PRUNE1: variants seen among roughly 807,000 people sequenced by gnomAD.
PRUNE1 encodes prune exopolyphosphatase 1.
PRUNE1 carries 25 observed loss-of-function variants against 42.5 expected under a neutral mutation model. The observed-to-expected ratio is 0.59, with a 90% CI of 0.43 to 0.82. PRUNE1 has a LOEUF of 0.82. Ranked by LOEUF, PRUNE1 falls within the 40% of genes least tolerant of loss-of-function variation. PRUNE1 has a pLI of 0.00. For missense variants in PRUNE1, 443 were observed against 539.3 expected, an observed-to-expected ratio of 0.82 and a Z score of 1.77; for synonymous variants, 203 against 217.1, an observed-to-expected ratio of 0.93 and a Z score of 0.57.
chr1:151,009,956 C>T (rs1558070981), intron 1 of PRUNE1, among the ~76,000 whole-genome samples: 7 of 152,196 alleles, frequency 4.6e-5, no homozygotes, highest in Admixed American at 2.0e-4. Flanking sequence ...ACCCAAATGA[C>T]TGGTCTCTTC....
At chr1:151,027,707 G>C (rs35550545) in intron 6 of PRUNE1, among the ~76,000 whole-genome samples, 3 of 150,202 alleles carry the variant, frequency 2.0e-5, no homozygotes, top group African/African-American at 7.4e-5. Context: ...TTAGCCTCTC[G>C]AGTAGCTGGG....
Position 151,018,575 on chromosome 1 carries a change from A to C in PRUNE1, c.241A>C (p.Ser81Arg). 1 of 1,614,064 alleles carries C rather than the reference A, an allele frequency of 6.2e-7. No individual in the cohort carries two copies. The highest frequency in any genetic ancestry group is 1.1e-5 in the South Asian group (1 of 91,082). Residue 81 changes from serine (S) to arginine (R), a missense_variant, in exon 3 of 8, where the codon AGT becomes CGT. Coordinates refer to ENST00000271620, the MANE Select transcript of PRUNE1 (RefSeq NM_021222.3). ...FFLQKVHIPESILIFRDEIDL... is the reference protein window; with the variant it reads ...FFLQKVHIPERILIFRDEIDL... ...TCTTCAGAAGGTTCATATTCCAGAGAGTATCTTGATTTTTCGGGATGAGAT... is the reference window on the plus strand; with the variant it reads ...TCTTCAGAAGGTTCATATTCCAGAGCGTATCTTGATTTTTCGGGATGAGAT...
chr1:151,029,512 C>T (rs1045380246), intron 7 of PRUNE1, among the ~76,000 whole-genome samples: 23 of 151,506 alleles, frequency 1.5e-4, no homozygotes, highest in African/African-American at 4.1e-4. Flanking sequence ...GGACTACAGG[C>T]GCCCGCCACC....
rs1382582733 is a variant in PRUNE1, at chr1:151,027,217, C to G, written c.680-16C>G. The G allele has an allele frequency of 6.3e-7, 1 of 1,578,264 alleles. No homozygotes were observed. Among genetic ancestry groups the G allele is most frequent in the Non-Finnish European group, 8.7e-7 (1 of 1,147,966 alleles). Reference sequence around the variant, plus strand: ...GCCTACCCTGTTTGACCCCTAGTCTCTCATCTGCTTTCTAGGACTGACCAC... The same window carrying G: ...GCCTACCCTGTTTGACCCCTAGTCTGTCATCTGCTTTCTAGGACTGACCAC... On this transcript the variant is annotated splice_polypyrimidine_tract_variant and intron_variant, in intron 5 of 7. Coordinates refer to ENST00000271620, the MANE Select transcript of PRUNE1 (RefSeq NM_021222.3).
intron 3 of PRUNE1, among the ~76,000 whole-genome samples, chr1:151,021,161 A>AG (rs958700906): frequency 2.0e-5 from 3 of 151,232 alleles, no homozygotes; most frequent in African/African-American, 7.3e-5. Flanking sequence ...AAAAAAAAAA[A>AG]AAAATTAGCC....
At chr1:151,029,697 A>G (rs1675120851) in intron 7 of PRUNE1, among the ~76,000 whole-genome samples, 1 of 151,854 alleles carries the variant, frequency 6.6e-6, no homozygotes, top group Non-Finnish European at 1.5e-5. Context: ...AGCCTGGGCA[A>G]AGATAGCAAG....
intron 1 of PRUNE1, among the ~76,000 whole-genome samples, chr1:151,014,476 G>A (rs1673978653): frequency 6.6e-6 from 1 of 152,202 alleles, no homozygotes; most frequent in South Asian, 2.1e-4. Context: ...TGGGGCAATT[G>A]ATACCACCAG....
chr1:151,025,816 C>T, intron 5 of PRUNE1, 143 bp downstream of exon 5: 1 of 775,152 alleles, frequency 1.3e-6, no homozygotes, highest in Non-Finnish European at 1.9e-6. Context: ...TCTTGGCACA[C>T]TGCAACCTCG....
intron 5 of PRUNE1, among the ~76,000 whole-genome samples, 158 bp downstream of exon 5, chr1:151,025,831 C>G (rs1674800309): frequency 6.6e-6 from 1 of 151,912 alleles, no homozygotes; most frequent in Non-Finnish European, 1.5e-5. Context: ...ACCTCGACCT[C>G]CTGGGTTCAA....
intron 6 of PRUNE1, among the ~76,000 whole-genome samples, chr1:151,028,082 A>G (rs1176461551): frequency 6.6e-6 from 1 of 151,946 alleles, no homozygotes; most frequent in African/African-American, 2.4e-5. Flanking sequence ...CATTAAGCTC[A>G]TTCCCAGCTG....
chr1:151,025,244 G>T (rs1358993681), intron 4 of PRUNE1, among the ~76,000 whole-genome samples: 1 of 152,106 alleles, frequency 6.6e-6, no homozygotes, highest in Admixed American at 6.6e-5. Context: ...CTACTGAAGA[G>T]GTGTATCTCT....
intron 5 of PRUNE1, among the ~76,000 whole-genome samples, chr1:151,026,879 G>A (rs1201881920): frequency 6.9e-6 from 1 of 145,356 alleles, no homozygotes; most frequent in Non-Finnish European, 1.5e-5. Context: ...ACAGAGTCCA[G>A]GTTCAAGTGA....
chr1:151,009,014 G>C (rs1267415629), intron 1 of PRUNE1, among the ~76,000 whole-genome samples: 1 of 152,038 alleles, frequency 6.6e-6, no homozygotes, highest in Non-Finnish European at 1.5e-5. Flanking sequence ...GCCGCCGCCA[G>C]CCTAGCCCCG....
chr1:151,029,831 C>T (rs186239843), intron 7 of PRUNE1, among the ~76,000 whole-genome samples: 1 of 152,096 alleles, frequency 6.6e-6, no homozygotes, highest in Non-Finnish European at 1.5e-5. Flanking sequence ...TTTTCTGCTA[C>T]TTACTATGCA....
intron 7 of PRUNE1, among the ~76,000 whole-genome samples, chr1:151,031,096 G>A (rs1325674203): frequency 2.0e-5 from 3 of 151,752 alleles, no homozygotes; most frequent in African/African-American, 4.8e-5. Context: ...TTAAAGCTGT[G>A]TGGATTTCTA....
At chr1:151,018,257 A>G (rs1218879635) in intron 2 of PRUNE1, 1 of 737,612 alleles carries the variant, frequency 1.4e-6, no homozygotes, top group Non-Finnish European at 2.5e-6. Context: ...AGAAATAGGT[A>G]TTTACCATGA....
chr1:151,020,031 C>T (rs587713420), intron 3 of PRUNE1, among the ~76,000 whole-genome samples: 12 of 147,724 alleles, frequency 8.1e-5, no homozygotes, highest in South Asian at 2.2e-4. Flanking sequence ...CAGGGTTTTG[C>T]GCTGTTGGCC....
chr1:151,022,741 A>T (rs1251911611), intron 3 of PRUNE1: 3 of 142,080 alleles, frequency 2.1e-5, no homozygotes, highest in African/African-American at 7.3e-5. Flanking sequence ...AAATATATAT[A>T]TTTTTTTTTT....
At position 151,027,786 on chromosome 1, in the gene PRUNE1, G is replaced by GCA. The variant is rs1376150787; in HGVS notation, c.774+460_774+461insAC. 9.1e-4 allele frequency among the ~76,000 whole-genome samples: 133 copies of GCA among 146,740 alleles called. 1 individual carries two copies. Among genetic ancestry groups the GCA allele is most frequent in the African/African-American group, 3.1e-3 (122 of 39,542 alleles). On this transcript the variant is annotated intron_variant, in intron 6 of 7. Coordinates refer to ENST00000271620, the MANE Select transcript of PRUNE1 (RefSeq NM_021222.3). ...TGTGTGTGTGTGTGTGTGTGTGCGC[G>GCA]CGCGTGTATGTATGTGTCGATGGGG...
Sources: gnomAD v4.1 joint callset for allele counts (sites outside exome capture counted in the v4.1 genomes callset) on GRCh38, gnomAD v4.1.1 for gene constraint, MANE v1.5 for transcripts, NCBI Gene and HGNC (gene_info 2026-07-23, HGNC 2026-07-21) for gene names.